The following SCNN1B variants were observed in gnomAD, a reference collection of about 807,000 sequenced individuals.
SCNN1B encodes the protein epithelial sodium channel subunit beta.
Under a neutral mutation model 65.3 loss-of-function variants are expected in SCNN1B, and 46 were observed. The observed-to-expected ratio is 0.70, with a 90% CI of 0.56 to 0.90. SCNN1B has a LOEUF of 0.90. SCNN1B is among the 40% of genes least tolerant of loss of function. The pLI is 0.00. For synonymous variants in SCNN1B, 349 were observed against 330.6 expected, an observed-to-expected ratio of 1.06 and a Z score of -0.60; for missense variants, 751 against 830.5, an observed-to-expected ratio of 0.90 and a Z score of 1.18.
chr16:23,302,985 C>A (rs1288749902), intron 1 of SCNN1B, among the ~76,000 whole-genome samples: 3 of 152,252 alleles, frequency 2.0e-5, no homozygotes, highest in South Asian at 4.2e-4. Context: ...GGCAGTCCGA[C>A]CCTGGAGCCT....
intron 1 of SCNN1B, among the ~76,000 whole-genome samples, chr16:23,322,978 G>A (rs1003427933): frequency 1.3e-5 from 2 of 151,092 alleles, no homozygotes; most frequent in Non-Finnish European, 1.5e-5. Flanking sequence ...TGAGGTCAGG[G>A]TTTCGAGACC....
At position 23,380,575 on chromosome 16, in the gene SCNN1B, G is replaced by A. The variant is rs368994674; in HGVS notation, c.1697G>A (p.Arg566Gln). 130 of 1,614,022 alleles carry A rather than the reference G, an allele frequency of 8.1e-5. 1 individual carries two copies. The highest frequency in any genetic ancestry group is 2.3e-4 in the South Asian group (21 of 91,092). The change falls in exon 13 of 13, where the codon CGA (arginine) becomes CAA (glutamine). Residue 566 changes from arginine to glutamine, a missense_variant. By Grantham distance (43) the Arg-to-Gln change is conservative. Coordinates refer to ENST00000343070, the MANE Select transcript of SCNN1B (RefSeq NM_000336.3). The surrounding 1 kb of genome is among the most constrained non-coding windows in gnomAD (Gnocchi z 5.4). The stretch of plus-strand genomic sequence containing the variant: ...TTGGCCAAGAGCCTACGGCAGCGGC[G>A]AGCCCAAGCCAGCTACGCTGGCCCA... ...VALAKSLRQR[R>Q]AQASYAGPPP... is the part of the protein sequence containing the mutation.
In SCNN1B at chr16:23,352,947, T is replaced by A; in HGVS notation, c.458T>A (p.Ile153Asn). The change falls in exon 3 of 13, where the codon ATT becomes AAT. Residue 153 changes from isoleucine (I) to asparagine (N), a missense_variant. By Grantham distance (149) the Ile-to-Asn change is moderately radical. Transcript: ENST00000343070. ...SIWNHTPLVL[I>N]DERNPHHPMV... ...TGGAACCACACACCCCTGGTCCTTA[T>A]TGATGAACGGAACCCCCACCACCCC... The A allele has an allele frequency of 6.2e-7, 1 of 1,614,170 alleles. No homozygotes were observed. Among genetic ancestry groups the A allele is most frequent in the South Asian group, 1.1e-5 (1 of 91,076 alleles).
At chr16:23,342,219 C>G (rs1485809295) in intron 1 of SCNN1B, among the ~76,000 whole-genome samples, 1 of 152,158 alleles carries the variant, frequency 6.6e-6, no homozygotes, top group Admixed American at 6.6e-5. Flanking sequence ...TGAAAGAAGC[C>G]AGTCAGAAAA....
chr16:23,378,784 G>A lies in SCNN1B; in HGVS notation c.1466+17G>A. 1 of 1,613,632 alleles carries A rather than the reference G, an allele frequency of 6.2e-7. No individual in the cohort carries two copies. Among genetic ancestry groups the A allele is most frequent in the Non-Finnish European group, 8.5e-7 (1 of 1,179,566 alleles). On this transcript the variant is annotated intron_variant, in intron 11 of 12. Coordinates refer to ENST00000343070, the MANE Select transcript of SCNN1B (RefSeq NM_000336.3). Reference sequence around the variant, plus strand: ...CCTGAGCAGGTGAGCCTGAGCCTGGGCGGGGCTGGGGAAGACAGGGAAGGG... The same window carrying A: ...CCTGAGCAGGTGAGCCTGAGCCTGGACGGGGCTGGGGAAGACAGGGAAGGG...
At chr16:23,372,743 C>T (rs1054241292) in intron 7 of SCNN1B, among the ~76,000 whole-genome samples, 2 of 150,628 alleles carry the variant, frequency 1.3e-5, no homozygotes, top group East Asian at 2.0e-4. Flanking sequence ...TCCACCGCCT[C>T]GGCCTCCCAA....
chr16:23,343,855 A>G (rs1447485974), intron 1 of SCNN1B, among the ~76,000 whole-genome samples: 1 of 152,164 alleles, frequency 6.6e-6, no homozygotes, highest in African/African-American at 2.4e-5. Flanking sequence ...GATTGGGTTA[A>G]GCTGTACACT....
At chr16:23,310,414 C>T (rs911666959) in intron 1 of SCNN1B, among the ~76,000 whole-genome samples, 2 of 151,164 alleles carry the variant, frequency 1.3e-5, no homozygotes, top group Non-Finnish European at 2.9e-5. Flanking sequence ...AGCACAGTGA[C>T]TCATGCCTGT....
At position 23,371,340 on chromosome 16, in the gene SCNN1B, C is replaced by T. The variant is rs565545770; in HGVS notation, c.922C>T (p.Pro308Ser). 2 of 1,614,162 alleles carry T rather than the reference C, an allele frequency of 1.2e-6. No homozygotes were observed. Among genetic ancestry groups the T allele is most frequent in the Admixed American group, 3.3e-5 (2 of 60,016 alleles). Residue 308 changes from proline to serine, a missense_variant, in exon 6 of 13, where the codon CCC becomes TCC. Coordinates refer to ENST00000343070, the MANE Select transcript of SCNN1B (RefSeq NM_000336.3). ...GGACATAGGCCAGGAAGACTACGTC[C>T]CCTTCCTTGCGTCCACGGCCGGGGT... ...ILDIGQEDYV[P>S]FLASTAGVRL...
At chr16:23,355,593 A>C (rs1244724976) in intron 4 of SCNN1B, 104 bp downstream of exon 4, 1 of 1,149,484 alleles carries the variant, frequency 8.7e-7, no homozygotes, top group Non-Finnish European at 1.3e-6. Flanking sequence ...CTGCCCAGCC[A>C]CTTACCGGCT....
chr16:23,302,630 G>C (rs945132152), intron 1 of SCNN1B, among the ~76,000 whole-genome samples, 193 bp downstream of exon 1: 1 of 152,170 alleles, frequency 6.6e-6, no homozygotes, highest in Admixed American at 6.5e-5. Flanking sequence ...GGGGCGGAGG[G>C]GAGAGCTGGA....
chr16:23,341,857 A>G (rs1596852850), intron 1 of SCNN1B, among the ~76,000 whole-genome samples: 1 of 152,222 alleles, frequency 6.6e-6, no homozygotes, highest in Admixed American at 6.5e-5. Flanking sequence ...TGGAGAGATT[A>G]GAACTCTCAC....
rs72654319 is a variant in SCNN1B, at chr16:23,348,505, C to A, written c.-8-87C>A. 2.9e-5 allele frequency: 38 copies of A among 1,294,260 alleles called. No homozygotes were observed. Among genetic ancestry groups the A allele is most frequent in the Admixed American group, 1.1e-4 (6 of 53,674 alleles). 80.2% of individuals were successfully genotyped at this position (1,294,260 alleles called of 1,614,324 possible). A position where few individuals can be genotyped will look rare whatever the true frequency, so the allele number is the denominator to read the frequency against. ...AGAGGGAGGAAGAACGGGGACGTAC[C>A]GCCGCCCAGTTCCTGGACGTGACTG... On this transcript the variant is annotated intron_variant, in intron 1 of 12. Coordinates refer to ENST00000343070, the MANE Select transcript of SCNN1B (RefSeq NM_000336.3). The surrounding 1 kb of genome is among the most constrained non-coding windows in gnomAD (Gnocchi z 4.5).
chr16:23,285,337 T>A (rs1019883683), intron 2 of SCNN1B, among the ~76,000 whole-genome samples: 3 of 152,172 alleles, frequency 2.0e-5, no homozygotes, highest in Admixed American at 2.0e-4. Flanking sequence ...CACACCCAGC[T>A]AATTTTTTAT....
chr16:23,323,520 A>G (rs910066654), intron 1 of SCNN1B: 76 of 702,824 alleles, frequency 1.1e-4, no homozygotes, highest in Non-Finnish European at 1.9e-4. Context: ...CATCAACTCA[A>G]TGAACTCAGT....
intron 6 of SCNN1B, 138 bp downstream of exon 6, chr16:23,371,600 C>T: frequency 1.9e-6 from 2 of 1,074,132 alleles, no homozygotes; most frequent in South Asian, 2.9e-5. Context: ...CTGGAATCCC[C>T]CCAGGGTGGC....
At chr16:23,300,827 T>C (rs543447670), upstream of SCNN1B, among the ~76,000 whole-genome samples, 3 of 152,082 alleles carry the variant, frequency 2.0e-5, no homozygotes, top group South Asian at 4.2e-4. Flanking sequence ...CCTGTCTCTC[T>C]TTACCAAAAA....
At position 23,380,128 on chromosome 16, in the gene SCNN1B, G is replaced by T; in HGVS notation, c.1501G>T (p.Glu501Ter). ...GIVKLNIYFQ[E>*]FNYRTIEESA... ...TGTCAAGCTCAACATCTACTTCCAAGAATTTAACTATCGCACCATTGAAGA... is the reference window on the plus strand; with the variant it reads ...TGTCAAGCTCAACATCTACTTCCAATAATTTAACTATCGCACCATTGAAGA... The change falls in exon 12 of 13, where the codon GAA becomes TAA. Residue 501 changes from glutamate to a stop codon, truncating the protein, a stop_gained. Transcript: ENST00000343070. LOFTEE classifies it high-confidence loss of function. This position sits in a 1 kb window ranked among gnomAD's most constrained non-coding sequence, Gnocchi z 5.4. The T allele has an allele frequency of 6.2e-7, 1 of 1,614,144 alleles. No homozygotes were observed. Among genetic ancestry groups the T allele is most frequent in the Middle Eastern group, 1.7e-4 (1 of 6,060 alleles).
At chr16:23,341,447 T>C (rs901150090) in intron 1 of SCNN1B, among the ~76,000 whole-genome samples, 3 of 151,994 alleles carry the variant, frequency 2.0e-5, no homozygotes, top group Non-Finnish European at 2.9e-5. Context: ...AAAAGAAATA[T>C]AGAGAAATTT....
Sources: gnomAD v4.1 joint callset for allele counts (sites outside exome capture counted in the v4.1 genomes callset) on GRCh38, gnomAD v4.1.1 for gene constraint, Gnocchi (gnomAD v3.1) non-coding constraint, MANE v1.5 for transcripts, NCBI Gene and HGNC (gene_info 2026-07-23, HGNC 2026-07-21) for gene names.